RSRP1: variants seen among roughly 807,000 people sequenced by gnomAD.
RSRP1 encodes arginine/serine-rich protein 1.
Under a neutral mutation model 33.0 loss-of-function variants are expected in RSRP1, and 37 were observed. That is an observed-to-expected ratio of 1.12 (90% CI 0.86 to 1.48). The LOEUF is 1.48. Ranked by LOEUF, RSRP1 falls within the 40% of genes most tolerant of loss-of-function variation. RSRP1 has a pLI of 0.00. For synonymous variants in RSRP1, 167 were observed against 158.7 expected, an observed-to-expected ratio of 1.05 and a Z score of -0.40; for missense variants, 402 against 385.3, an observed-to-expected ratio of 1.04 and a Z score of -0.36.
At chr1:25,273,052 G>A (rs543467426) in intron 1 of RSRP1, among the ~76,000 whole-genome samples, 1 of 131,738 alleles carries the variant, frequency 7.6e-6, no homozygotes, top group East Asian at 2.0e-4. Context: ...TATAGATTTA[G>A]GGGATACAAG....
At chr1:25,294,359 C>G (rs1372575415) in intron 1 of RSRP1, 6 of 922,946 alleles carry the variant, frequency 6.5e-6, no homozygotes, top group Non-Finnish European at 1.1e-5. Flanking sequence ...GGGCTGCAGC[C>G]AGGGAATAGT....
intron 1 of RSRP1, among the ~76,000 whole-genome samples, chr1:25,275,472 C>T (rs1164963404): frequency 3.1e-5 from 4 of 131,114 alleles, no homozygotes; most frequent in African/African-American, 1.0e-4. Context: ...AGGGGCATGG[C>T]TTGAGACACC....
chr1:25,293,150 G>T (rs1278993968), intron 1 of RSRP1, among the ~76,000 whole-genome samples: 1 of 131,570 alleles, frequency 7.6e-6, no homozygotes, highest in Admixed American at 7.4e-5. Flanking sequence ...GAGACAGCAT[G>T]CAGGGGCAGC....
intron 1 of RSRP1, chr1:25,306,850 G>A (rs1270775175): frequency 1.0e-6 from 1 of 972,594 alleles, no homozygotes; most frequent in Non-Finnish European, 1.6e-6. Context: ...AGGCTTCGGT[G>A]AATATTTGTT....
chr1:25,309,818 C>T (rs543041004), intron 1 of RSRP1, among the ~76,000 whole-genome samples: 1 of 132,712 alleles, frequency 7.5e-6, no homozygotes, highest in South Asian at 2.3e-4. Flanking sequence ...ATGTGTTGAG[C>T]TGAGGGTCTC....
Position 25,300,167 on chromosome 1 carries a change from G to A in RSRP1, c.-67+37811C>T, listed in dbSNP as rs534344758. The stretch of plus-strand genomic sequence containing the variant: ...TCCGCTGAGAAGTAGGAATCAGTGA[G>A]GTGCGTGTCCATGTGGGTTTTTGCC... On this transcript the variant is annotated intron_variant, in intron 1 of 1. Transcript: ENST00000561867. Among the ~76,000 whole-genome samples, 304 of 131,352 alleles carry A rather than the reference G, an allele frequency of 2.3e-3. 43 individuals carry two copies. The highest frequency in any genetic ancestry group is 7.4e-3 in the African/African-American group (281 of 38,178). The allele number at this position is 131,352 out of a possible 152,430, so 86.2% of individuals were successfully genotyped here.
At chr1:25,319,263 C>T (rs1194351439) in intron 1 of RSRP1, among the ~76,000 whole-genome samples, 1 of 131,592 alleles carries the variant, frequency 7.6e-6, no homozygotes, top group Admixed American at 7.4e-5. Flanking sequence ...TCATATTGTT[C>T]CTTTAAGAGT....
rs1453376111 is a variant in RSRP1 at position 25,307,744 on chromosome 1, G to A, written c.-67+30234C>T. On this transcript the variant is annotated intron_variant, in intron 1 of 1. Transcript: ENST00000561867. ...TCAGAGAAATCATGGAGGCGCTGCG[G>A]TTCCTACCGGTTCTTGGATGCCTTC... 2.3e-6 allele frequency: 3 copies of A among 1,307,304 alleles called. 1 individual carries two copies. Among genetic ancestry groups the A allele is most frequent in the Non-Finnish European group, 3.2e-6 (3 of 949,266 alleles). 81.0% of individuals were successfully genotyped at this position (1,307,304 alleles called of 1,614,324 possible). A position where few individuals can be genotyped will look rare whatever the true frequency, so the allele number is the denominator to read the frequency against.
Position 25,332,289 on chromosome 1 carries a change from G to A in RSRP1, c.-67+5689C>T, listed in dbSNP as rs1359411759. Among the ~76,000 whole-genome samples, 2 of 129,156 alleles carry A rather than the reference G, an allele frequency of 1.5e-5. 1 individual carries two copies. Among genetic ancestry groups the A allele is most frequent in the Non-Finnish European group, 3.7e-5 (2 of 54,668 alleles). 84.7% of individuals were successfully genotyped at this position (129,156 alleles called of 152,430 possible). A position where few individuals can be genotyped will look rare whatever the true frequency, so the allele number is the denominator to read the frequency against. On this transcript the variant is annotated intron_variant, in intron 1 of 1. Coordinates refer to the RSRP1 transcript ENST00000561867. ...TGACCTCAAGTGATCCTCCTGCCTC[G>A]GCCTTCCAAAGTGCTGGGATTACAG...
At chr1:25,336,599 A>AG (rs1170190257) in intron 1 of RSRP1, 1 of 149,474 alleles carries the variant, frequency 6.7e-6, no homozygotes, top group Non-Finnish European at 1.5e-5. Flanking sequence ...GCCAGAAAAG[A>AG]GAAAAAAGGG....
In RSRP1 at chr1:25,281,107, A is replaced by T. The variant is rs540352524; in HGVS notation, c.-66-34078T>A. ...GAGGGTAATGGACTTGCCTAAGATC[A>T]CTTAGTGAGGTGAGAGAAGAAAGAG... is the stretch of plus-strand genomic sequence containing the variant. On this transcript the variant is annotated intron_variant, in intron 1 of 1. Transcript: ENST00000561867. Among the ~76,000 whole-genome samples the T allele has an allele frequency of 2.3e-5, 3 of 132,640 alleles. 1 individual carries two copies. Among genetic ancestry groups the T allele is most frequent in the Non-Finnish European group, 5.4e-5 (3 of 56,050 alleles). The allele number at this position is 132,640 out of a possible 152,430, so 87.0% of individuals were successfully genotyped here. A position where few individuals can be genotyped will look rare whatever the true frequency, so the allele number is the denominator to read the frequency against.
intron 1 of RSRP1, among the ~76,000 whole-genome samples, chr1:25,286,831 T>C (rs1308252864): frequency 7.5e-6 from 1 of 133,310 alleles, no homozygotes; most frequent in African/African-American, 2.6e-5. Flanking sequence ...CGGTGGTTCA[T>C]GCCTGTAATC....
chr1:25,245,289 A>G lies in RSRP1; in HGVS notation c.533T>C (p.Leu178Pro). The change falls in exon 3 of 5, where the codon CTG (leucine) becomes CCG (proline). Residue 178 changes from leucine to proline, a missense_variant. Physicochemically the swap from Leu to Pro is moderately conservative, Grantham distance 98. Transcript: ENST00000243189. ...TGCATTGGTTTTTGCTATTTCTAACAGCTCCATTCGATCTAAAAAAAAAAG... is the reference window on the plus strand; with the variant it reads ...TGCATTGGTTTTTGCTATTTCTAACGGCTCCATTCGATCTAAAAAAAAAAG... ...FRLSEKDRME[L>P]LEIAKTNAAK... The G allele has an allele frequency of 1.2e-6, 2 of 1,611,590 alleles. No homozygotes were observed. Among genetic ancestry groups the G allele is most frequent in the Non-Finnish European group, 1.7e-6 (2 of 1,179,126 alleles).
At chr1:25,285,458 A>G (rs532849873) in intron 1 of RSRP1, among the ~76,000 whole-genome samples, 1 of 135,168 alleles carries the variant, frequency 7.4e-6, no homozygotes, top group East Asian at 1.9e-4. Context: ...TTGAAAAGAA[A>G]GGACTTTCAG....
At chr1:25,329,414 T>G (rs1478043568) in intron 1 of RSRP1, 1 of 259,714 alleles carries the variant, frequency 3.9e-6, no homozygotes, top group African/African-American at 2.4e-5. Flanking sequence ...GCTAATTTTT[T>G]GTATTTTTAG....
At position 25,284,611 on chromosome 1, in the gene RSRP1, G is replaced by T. The variant is rs769067428; in HGVS notation, c.-66-37582C>A. On this transcript the variant is annotated intron_variant, in intron 1 of 1. Transcript: ENST00000561867. ...GACCGTGATGGCGGCCATTGGCTTG[G>T]GCTTCCTCACCTCGAGTTTCCGGAG... The T allele has an allele frequency of 1.2e-5, 16 of 1,389,188 alleles. No individual in the cohort carries two copies. The South Asian group carries it at 1.6e-4, about 14-fold the overall frequency. 86.1% of individuals were successfully genotyped at this position (1,389,188 alleles called of 1,614,324 possible).
At chr1:25,250,838 A>G (rs1160336741), upstream of RSRP1, among the ~76,000 whole-genome samples, 5 of 151,972 alleles carry the variant, frequency 3.3e-5, no homozygotes, top group African/African-American at 4.8e-5. Context: ...GTGAAACCCC[A>G]TCTCTACTAA....
rs1287058736 is a variant in RSRP1, at chr1:25,273,841, A to T, written c.-66-26812T>A. 1.5e-5 allele frequency among the ~76,000 whole-genome samples: 2 copies of T among 129,738 alleles called. 1 individual carries two copies. Among genetic ancestry groups the T allele is most frequent in the Non-Finnish European group, 3.6e-5 (2 of 54,870 alleles). The allele number at this position is 129,738 out of a possible 152,430, so 85.1% of individuals were successfully genotyped here. ...TGAGTCCTTGCTTGTTCCTAGGTTGATATGAACGGCTAGTTAACTGGAAGC... is the reference window on the plus strand; with the variant it reads ...TGAGTCCTTGCTTGTTCCTAGGTTGTTATGAACGGCTAGTTAACTGGAAGC... On this transcript the variant is annotated intron_variant, in intron 1 of 1. Transcript: ENST00000561867.
chr1:25,245,048 T>C (rs769304036), intron 3 of RSRP1, 102 bp downstream of exon 3: 53 of 1,607,200 alleles, frequency 3.3e-5, no homozygotes, highest in Non-Finnish European at 4.4e-5. Flanking sequence ...ATTATATACA[T>C]CTCTAGACTT....
Sources: allele counts gnomAD v4.1 joint callset (sites outside exome capture counted in the v4.1 genomes callset), GRCh38; gene constraint gnomAD v4.1.1; transcripts MANE v1.5; gene names NCBI Gene and HGNC (gene_info 2026-07-23, HGNC 2026-07-21).